Variants in DYRK4 observed in about 807,000 individuals in gnomAD.
The protein encoded by DYRK4 is dual specificity tyrosine-phosphorylation-regulated kinase 4.
A neutral mutation model predicts 68.3 loss-of-function variants in DYRK4; 64 were observed. The ratio of observed to expected loss-of-function variants is 0.94; its 90% CI spans 0.77 to 1.15. The LOEUF (loss-of-function observed/expected upper bound fraction) is 1.15, where lower values mean the gene tolerates loss of function less well. DYRK4 is among the 50% of genes most tolerant of loss of function. The pLI, the probability that DYRK4 is intolerant of heterozygous loss-of-function variation, is 0.00. For missense variants in DYRK4, 740 were observed against 764.7 expected, an observed-to-expected ratio of 0.97 and a Z score of 0.38; for synonymous variants, 274 against 289.9, an observed-to-expected ratio of 0.95 and a Z score of 0.56.
chr12:4,580,892 G>A (rs774479972), intron 2 of DYRK4: 2 of 455,878 alleles, frequency 4.4e-6, no homozygotes, highest in East Asian at 7.0e-5. Context: ...AGGCGGGATG[G>A]TGTGATGGAG....
chr12:4,590,078 A>T, intron 3 of DYRK4: 1 of 1,146,360 alleles, frequency 8.7e-7, no homozygotes, highest in South Asian at 3.1e-5. Flanking sequence ...AGAAAGAGTC[A>T]GTGTGAGCTG....
intron 1 of DYRK4, among the ~76,000 whole-genome samples, chr12:4,565,406 C>T (rs1944666047): frequency 6.6e-6 from 1 of 152,094 alleles, no homozygotes; most frequent in Non-Finnish European, 1.5e-5. Context: ...CTTTAGAAGT[C>T]ACCTGCTCCA....
intron 12 of DYRK4, among the ~76,000 whole-genome samples, chr12:4,609,470 C>T (rs1376840546): frequency 6.6e-5 from 10 of 152,184 alleles, no homozygotes; most frequent in Admixed American, 6.5e-4. Context: ...CAGGTTTGGG[C>T]TGCCAACTGC....
intron 2 of DYRK4, among the ~76,000 whole-genome samples, chr12:4,585,440 A>C (rs1245896857): frequency 6.6e-6 from 1 of 152,226 alleles, no homozygotes; most frequent in East Asian, 1.9e-4. Flanking sequence ...ATGGTATACT[A>C]TGCAGCCATA....
chr12:4,572,115 A>G lies in DYRK4; in HGVS notation c.132+4067A>G, dbSNP rs577205355. Among the ~76,000 whole-genome samples, 126 of 152,372 alleles carry G rather than the reference A, an allele frequency of 8.3e-4. 1 individual carries two copies. Among genetic ancestry groups the G allele is most frequent in the Non-Finnish European group, 1.2e-3 (81 of 68,034 alleles). ...AATTGGGATTCTTTGTAGGAAGACC[A>G]GATGTTTTGACTAAATGCTGAGAAT... On this transcript the variant is annotated intron_variant, in intron 2 of 14. Transcript: ENST00000543431.
chr12:4,564,201 A>C (rs984491732), intron 1 of DYRK4, among the ~76,000 whole-genome samples: 2 of 152,200 alleles, frequency 1.3e-5, no homozygotes, highest in Non-Finnish European at 2.9e-5. Context: ...GTGTTTAATA[A>C]ATCAGTAGAA....
intron 6 of DYRK4, among the ~76,000 whole-genome samples, chr12:4,595,234 G>A (rs1945003766): frequency 1.3e-5 from 2 of 152,168 alleles, no homozygotes; most frequent in South Asian, 4.1e-4. Flanking sequence ...GATTCCTCCT[G>A]TATGAACAGA....
At chr12:4,604,689 G>T (rs1945119955) in intron 10 of DYRK4, among the ~76,000 whole-genome samples, 1 of 152,196 alleles carries the variant, frequency 6.6e-6, no homozygotes, top group African/African-American at 2.4e-5. Flanking sequence ...TGCCCACGTT[G>T]GAGTTCGTTA....
intron 2 of DYRK4, among the ~76,000 whole-genome samples, chr12:4,581,349 T>TTC (rs533164649): frequency 6.3e-4 from 96 of 152,222 alleles, no homozygotes; most frequent in Admixed American, 1.2e-3. Context: ...GGGAACAGGC[T>TTC]TCTGCCAGAC....
intron 2 of DYRK4, among the ~76,000 whole-genome samples, chr12:4,568,500 C>T (rs1944699016): frequency 6.6e-6 from 1 of 152,082 alleles, no homozygotes; most frequent in African/African-American, 2.4e-5. Context: ...ATTCTCCTGC[C>T]TCAGCCTCCC....
At chr12:4,606,619 A>G (rs985671969) in intron 11 of DYRK4, among the ~76,000 whole-genome samples, 5 of 152,208 alleles carry the variant, frequency 3.3e-5, no homozygotes, top group African/African-American at 7.2e-5. Context: ...AAGGTTGATA[A>G]TGAATGATTT....
chr12:4,568,977 G>GTT (rs1388595780), intron 2 of DYRK4, among the ~76,000 whole-genome samples: 1 of 152,218 alleles, frequency 6.6e-6, no homozygotes, highest in East Asian at 1.9e-4. Flanking sequence ...CTGCATCACT[G>GTT]TTTGGCAGAA....
At chr12:4,573,436 T>C in intron 2 of DYRK4, 1 of 1,272,176 alleles carries the variant, frequency 7.9e-7, no homozygotes, top group East Asian at 5.6e-5. Flanking sequence ...AGATTTGAAA[T>C]TACCTTTGGT....
At chr12:4,576,594 G>C (rs1944791787) in intron 2 of DYRK4, among the ~76,000 whole-genome samples, 1 of 152,170 alleles carries the variant, frequency 6.6e-6, no homozygotes, top group Admixed American at 6.5e-5. Flanking sequence ...CTGCTACACT[G>C]TCTTCCAAAC....
At chr12:4,572,278 A>G (rs1397560756) in intron 2 of DYRK4, among the ~76,000 whole-genome samples, 1 of 152,106 alleles carries the variant, frequency 6.6e-6, no homozygotes, top group Admixed American at 6.6e-5. Context: ...TTTAGGGGTC[A>G]TGGACTTTTT....
At position 4,613,304 on chromosome 12, in the gene DYRK4, C is replaced by T; in HGVS notation, c.1667-211C>T. Reference sequence around the variant, plus strand: ...CCATTTATGAGAATGAGAATAAAGCCTGTTCTCCAGGGTCGCTGAAATGAT... The same window carrying T: ...CCATTTATGAGAATGAGAATAAAGCTTGTTCTCCAGGGTCGCTGAAATGAT... On this transcript the variant is annotated intron_variant, in intron 14 of 14. Coordinates refer to ENST00000543431, the MANE Select transcript of DYRK4 (RefSeq NM_001394779.1). The surrounding 1 kb of genome is among the most constrained non-coding windows in gnomAD (Gnocchi z 4.0). 6.6e-6 allele frequency among the ~76,000 whole-genome samples: 1 copy of T among 152,200 alleles called. No homozygotes were observed. Among genetic ancestry groups the T allele is most frequent in the East Asian group, 1.9e-4 (1 of 5,202 alleles).
chr12:4,584,051 A>G (rs1184210702), intron 2 of DYRK4, among the ~76,000 whole-genome samples: 1 of 152,220 alleles, frequency 6.6e-6, no homozygotes, highest in African/African-American at 2.4e-5. Flanking sequence ...AAGATGAGAA[A>G]AATTTGTAAA....
intron 12 of DYRK4, 113 bp downstream of exon 12, chr12:4,607,500 G>A: frequency 8.5e-7 from 1 of 1,171,316 alleles, no homozygotes; most frequent in Non-Finnish European, 1.2e-6. Context: ...GTGATTAAGA[G>A]CGTCTTTCAG....
intron 4 of DYRK4, chr12:4,590,665 T>C: frequency 1.1e-6 from 1 of 911,574 alleles, no homozygotes; most frequent in Non-Finnish European, 1.5e-6. Context: ...GTCAGGAGGA[T>C]TCATTGAGGA....
Sources: allele counts gnomAD v4.1 joint callset (sites outside exome capture counted in the v4.1 genomes callset), GRCh38; gene constraint gnomAD v4.1.1; non-coding constraint Gnocchi (gnomAD v3.1); transcripts MANE v1.5; gene names NCBI Gene and HGNC (gene_info 2026-07-23, HGNC 2026-07-21).